The following ZNF804B variants were observed in gnomAD, a reference collection of about 807,000 sequenced individuals.
The protein encoded by ZNF804B is zinc finger protein 804B, also known as zinc finger 804B.
ZNF804B carries 80 observed loss-of-function variants against 101.4 expected under a neutral mutation model. The observed-to-expected ratio is 0.79, with a 90% CI of 0.66 to 0.95. The LOEUF (loss-of-function observed/expected upper bound fraction) is 0.95. Ranked by LOEUF, ZNF804B falls within the 40% of genes least tolerant of loss-of-function variation. The pLI is 0.00. For synonymous variants in ZNF804B, 622 were observed against 558.8 expected (o/e 1.11, Z -1.59); for missense variants, 1,673 against 1,561.9 (o/e 1.07, Z -1.20).
At chr7:89,070,775 C>G (rs1274178303) in intron 1 of ZNF804B, among the ~76,000 whole-genome samples, 1 of 151,928 alleles carries the variant, frequency 6.6e-6, no homozygotes, top group Non-Finnish European at 1.5e-5. Context: ...TTATAAGGAC[C>G]ATTGATTTTT....
chr7:88,911,908 T>G (rs945189315), intron 1 of ZNF804B, among the ~76,000 whole-genome samples: 1 of 151,892 alleles, frequency 6.6e-6, no homozygotes, highest in South Asian at 2.1e-4. Flanking sequence ...TCTAGTATCT[T>G]TTAAGTGACA....
chr7:89,024,156 G>A (rs1463306023), intron 1 of ZNF804B, among the ~76,000 whole-genome samples: 2 of 152,122 alleles, frequency 1.3e-5, no homozygotes, highest in East Asian at 3.8e-4. Context: ...GAGATATAAC[G>A]TAGACTATGA....
intron 1 of ZNF804B, among the ~76,000 whole-genome samples, chr7:88,838,000 T>C: frequency 6.6e-6 from 1 of 151,928 alleles, no homozygotes; most frequent in East Asian, 1.9e-4. Flanking sequence ...TTTTCAACTT[T>C]TTCTTTTATG....
At chr7:88,853,700 A>G (rs1457539443) in intron 1 of ZNF804B, among the ~76,000 whole-genome samples, 1 of 152,154 alleles carries the variant, frequency 6.6e-6, no homozygotes, top group Non-Finnish European at 1.5e-5. Flanking sequence ...TTTTCACTGA[A>G]CTATCAATGT....
rs115159731 is a variant in ZNF804B at position 89,335,224 on chromosome 7, C to T, written c.2242C>T (p.His748Tyr). The T allele has an allele frequency of 1.5e-3, 2,457 of 1,613,782 alleles. 43 individuals carry two copies. In the African/African-American group the frequency reaches 0.029, roughly 19 times the overall value. Residue 748 changes from histidine to tyrosine, a missense_variant, in exon 4 of 4, where the codon CAC (histidine) becomes TAC (tyrosine). By Grantham distance (83) the His-to-Tyr change is moderately conservative. Transcript: ENST00000333190. ...GCTCTGCTTCCATAAAAGAGAACAC[C>T]ACTCAGTTGAAAGGCACAAACGGAA... ...NLLCFHKREH[H>Y]SVERHKRKCL...
chr7:88,885,401 G>C (rs1204881743), intron 1 of ZNF804B, among the ~76,000 whole-genome samples: 1 of 151,192 alleles, frequency 6.6e-6, no homozygotes, highest in East Asian at 1.9e-4. Context: ...GCTTTTCAGT[G>C]ACGTATTGAT....
chr7:88,767,491 T>C (rs1402223679), intron 1 of ZNF804B, among the ~76,000 whole-genome samples: 1 of 152,262 alleles, frequency 6.6e-6, no homozygotes, highest in Non-Finnish European at 1.5e-5. Context: ...AAAGGCTATA[T>C]GCATTTTCTT....
intron 1 of ZNF804B, among the ~76,000 whole-genome samples, chr7:89,100,697 C>A (rs1790041812): frequency 6.6e-6 from 1 of 151,972 alleles, no homozygotes; most frequent in Non-Finnish European, 1.5e-5. Flanking sequence ...AAATGGCAAA[C>A]ACATTCACAA....
intron 1 of ZNF804B, among the ~76,000 whole-genome samples, chr7:89,115,622 C>T (rs1790297977): frequency 6.6e-6 from 1 of 152,116 alleles, no homozygotes. Context: ...ATACCACAAT[C>T]CTGTACCTCT....
At chr7:89,240,882 A>G (rs927131489) in intron 2 of ZNF804B, among the ~76,000 whole-genome samples, 1 of 152,102 alleles carries the variant, frequency 6.6e-6, no homozygotes, top group Non-Finnish European at 1.5e-5. Context: ...TTTATTGTTT[A>G]AAAGACACAA....
intron 1 of ZNF804B, among the ~76,000 whole-genome samples, chr7:89,028,218 A>G (rs1345627869): frequency 6.6e-6 from 1 of 152,202 alleles, no homozygotes; most frequent in South Asian, 2.1e-4. Flanking sequence ...ATTTTATACA[A>G]TAATCTTAAC....
chr7:88,761,349 A>G (rs1774075177), intron 1 of ZNF804B, among the ~76,000 whole-genome samples: 1 of 152,184 alleles, frequency 6.6e-6, no homozygotes, highest in Non-Finnish European at 1.5e-5. Context: ...TTAGATGGAA[A>G]ATACTGTTTG....
chr7:89,155,398 A>G (rs1045501005), intron 1 of ZNF804B, among the ~76,000 whole-genome samples: 1 of 152,108 alleles, frequency 6.6e-6, no homozygotes, highest in East Asian at 1.9e-4. Context: ...TCTTTCACCT[A>G]AAAACCCATG....
At position 89,171,347 on chromosome 7, in the gene ZNF804B, T is replaced by C. The variant is rs370898355; in HGVS notation, c.109-46808T>C. Among the ~76,000 whole-genome samples, 877 of 112,148 alleles carry C rather than the reference T, an allele frequency of 7.8e-3. 8 individuals carry two copies. Among genetic ancestry groups the C allele is most frequent in the South Asian group, 0.02 (63 of 3,126 alleles). 73.6% of individuals were successfully genotyped at this position (112,148 alleles called of 152,430 possible). A position where few individuals can be genotyped will look rare whatever the true frequency, so the allele number is the denominator to read the frequency against. The stretch of plus-strand genomic sequence containing the variant: ...CTTCTTCTTCTTCTTCTTCTTCTTC[T>C]TCTTCTTCTTCCTCCTCTTCCTCTT... On this transcript the variant is annotated intron_variant, in intron 1 of 3. Transcript: ENST00000333190.
At chr7:88,873,573 G>A (rs982407430) in intron 1 of ZNF804B, among the ~76,000 whole-genome samples, 1 of 152,106 alleles carries the variant, frequency 6.6e-6, no homozygotes, top group Non-Finnish European at 1.5e-5. Flanking sequence ...GTAATGCCTA[G>A]GTTTTCTTCT....
chr7:88,905,365 TG>T (rs1363025675), intron 1 of ZNF804B, among the ~76,000 whole-genome samples: 1 of 152,010 alleles, frequency 6.6e-6, no homozygotes, highest in African/African-American at 2.4e-5. Flanking sequence ...TTTTGTTTTT[TG>T]TTTTTTTTTT....
At chr7:89,294,739 T>C (rs1584110066) in intron 2 of ZNF804B, among the ~76,000 whole-genome samples, 1 of 152,124 alleles carries the variant, frequency 6.6e-6, no homozygotes, top group East Asian at 1.9e-4. Flanking sequence ...GTCTTAATTC[T>C]TTATACTATT....
chr7:89,185,308 T>TAC (rs2115595592), intron 1 of ZNF804B, among the ~76,000 whole-genome samples: 1 of 152,250 alleles, frequency 6.6e-6, no homozygotes, highest in South Asian at 2.1e-4. Flanking sequence ...ACAGAAGTCT[T>TAC]ACGCATAGAA....
At chr7:89,107,945 G>A (rs1448122065) in intron 1 of ZNF804B, among the ~76,000 whole-genome samples, 4 of 152,022 alleles carry the variant, frequency 2.6e-5, no homozygotes, top group Non-Finnish European at 5.9e-5. Flanking sequence ...GAAGAGATGA[G>A]CATTAAAAAG....
Sources: allele counts gnomAD v4.1 joint callset (sites outside exome capture counted in the v4.1 genomes callset), GRCh38; gene constraint gnomAD v4.1.1; transcripts MANE v1.5; gene names NCBI Gene and HGNC (gene_info 2026-07-23, HGNC 2026-07-21).